The following MSI2 variants were observed in gnomAD, a reference collection of about 807,000 sequenced individuals.
MSI2 encodes RNA-binding protein Musashi homolog 2.
Under a neutral mutation model 45.6 loss-of-function variants are expected in MSI2, and 17 were observed. The observed-to-expected ratio is 0.37, with a 90% CI of 0.26 to 0.56. The LOEUF (loss-of-function observed/expected upper bound fraction) is 0.56. Among genes scored for constraint, MSI2 ranks in the 20% least tolerant of loss-of-function variants. The pLI is 0.77. For synonymous variants in MSI2, 156 were observed against 158.2 expected (o/e 0.99, Z 0.11); for missense variants, 293 against 444.2 (o/e 0.66, Z 3.06).
intron 5 of MSI2, among the ~76,000 whole-genome samples, chr17:57,390,496 G>C (rs2083770413): frequency 6.6e-6 from 1 of 152,214 alleles, no homozygotes; most frequent in South Asian, 2.1e-4. Flanking sequence ...GAGAACCTCT[G>C]CACTACAGGA....
chr17:57,697,015 A>G, the MSI2 span, among the ~76,000 whole-genome samples: 1 of 152,062 alleles, frequency 6.6e-6, no homozygotes, highest in African/African-American at 2.4e-5. Flanking sequence ...CTGTAGCTTC[A>G]CTGTAAGCCA....
At chr17:57,378,541 C>T (rs1397819215) in intron 5 of MSI2, among the ~76,000 whole-genome samples, 2 of 152,096 alleles carry the variant, frequency 1.3e-5, no homozygotes, top group Non-Finnish European at 2.9e-5. Context: ...GGATTACAGG[C>T]GTTAGCCACT....
intron 7 of MSI2, among the ~76,000 whole-genome samples, chr17:57,579,226 A>C (rs191983409): frequency 6.6e-6 from 1 of 152,366 alleles, no homozygotes; most frequent in Non-Finnish European, 1.5e-5. Flanking sequence ...GGCCCCAGAC[A>C]CAAATAAATT....
intron 5 of MSI2, among the ~76,000 whole-genome samples, chr17:57,344,873 A>G (rs911783297): frequency 1.3e-5 from 2 of 151,792 alleles, no homozygotes; most frequent in African/African-American, 4.8e-5. Context: ...GACCAGCCTG[A>G]CCAACATGGT....
intron 5 of MSI2, among the ~76,000 whole-genome samples, chr17:57,277,499 A>G (rs1013009073): frequency 7.9e-5 from 12 of 152,156 alleles, no homozygotes; most frequent in African/African-American, 2.9e-4. Context: ...ACATGACCTC[A>G]GGCACTTTGC....
chr17:57,268,777 G>C (rs1046576811), intron 5 of MSI2, among the ~76,000 whole-genome samples: 1 of 152,156 alleles, frequency 6.6e-6, no homozygotes, highest in East Asian at 1.9e-4. Context: ...GGAGGTTGCA[G>C]TGAGCCGAGA....
intron 5 of MSI2, among the ~76,000 whole-genome samples, chr17:57,294,403 G>T (rs541391965): frequency 1.3e-5 from 2 of 152,178 alleles, no homozygotes; most frequent in Non-Finnish European, 2.9e-5. Context: ...AGCTGGCGTG[G>T]CACTGTTGGG....
intron 10 of MSI2, among the ~76,000 whole-genome samples, chr17:57,651,116 G>A (rs542004409): frequency 2.0e-5 from 3 of 152,176 alleles, no homozygotes; most frequent in Non-Finnish European, 4.4e-5. Flanking sequence ...GAGGCTGTGC[G>A]TGCACGTGCT....
At chr17:57,602,786 T>C (rs1288842402) in intron 8 of MSI2, among the ~76,000 whole-genome samples, 1 of 152,192 alleles carries the variant, frequency 6.6e-6, no homozygotes, top group Non-Finnish European at 1.5e-5. Flanking sequence ...TGGATGCTGG[T>C]AATCAAAGTG....
intron 5 of MSI2, among the ~76,000 whole-genome samples, chr17:57,369,956 A>G (rs939604377): frequency 1.3e-5 from 2 of 152,250 alleles, no homozygotes; most frequent in Admixed American, 1.3e-4. Flanking sequence ...CTTAACAAGA[A>G]TAGAAGACAG....
Position 57,529,821 on chromosome 17 carries a change from C to T in MSI2, c.454+97C>T, listed in dbSNP as rs934943782. ...ACTGACAAAAGATACAGTGAAGAGT[C>T]CAGAGTCAAGCAGGTAGAGGTGACC... On this transcript the variant is annotated intron_variant, in intron 7 of 13. Coordinates refer to ENST00000284073, the MANE Select transcript of MSI2 (RefSeq NM_138962.4). The surrounding 1 kb of genome is among the most constrained non-coding windows in gnomAD (Gnocchi z 5.3). 2.0e-6 allele frequency: 2 copies of T among 1,016,800 alleles called. No individual in the cohort carries two copies. Among genetic ancestry groups the T allele is most frequent in the Middle Eastern group, 2.1e-4 (1 of 4,802 alleles). 63.0% of individuals were successfully genotyped at this position (1,016,800 alleles called of 1,614,324 possible).
intron 5 of MSI2, among the ~76,000 whole-genome samples, chr17:57,287,296 C>T (rs1909997433): frequency 1.3e-5 from 2 of 152,224 alleles, no homozygotes; most frequent in South Asian, 4.1e-4. Flanking sequence ...CCTGGCGAGG[C>T]TGTCCTGTGT....
intron 5 of MSI2, among the ~76,000 whole-genome samples, chr17:57,343,487 G>A (rs559437749): frequency 2.0e-4 from 30 of 151,956 alleles, no homozygotes; most frequent in Non-Finnish European, 3.8e-4. Context: ...TTTTTTCCTT[G>A]AGTCATTAGG....
chr17:57,280,949 A>G lies in MSI2; in HGVS notation c.312+18757A>G, dbSNP rs188921022. Among the ~76,000 whole-genome samples, 293 of 152,214 alleles carry G rather than the reference A, an allele frequency of 1.9e-3. 3 individuals carry two copies. Among genetic ancestry groups the G allele is most frequent in the Middle Eastern group, 0.014 (4 of 294 alleles). On this transcript the variant is annotated intron_variant, in intron 5 of 13. Transcript: ENST00000284073. This position sits in a 1 kb window ranked among gnomAD's most constrained non-coding sequence, Gnocchi z 4.2. ...GGCCAGGTCAGATGGGTGTTGGGGA[A>G]AGAGCACTCTGCAATCCAGGGGCTC...
At chr17:57,476,288 C>T (rs1173142477) in intron 6 of MSI2, among the ~76,000 whole-genome samples, 2 of 152,188 alleles carry the variant, frequency 1.3e-5, no homozygotes, top group Non-Finnish European at 2.9e-5. Flanking sequence ...TCCTCTGCAT[C>T]CACACTGCAT....
intron 5 of MSI2, among the ~76,000 whole-genome samples, chr17:57,296,340 G>A (rs1910953141): frequency 6.6e-6 from 1 of 152,086 alleles, no homozygotes; most frequent in Admixed American, 6.5e-5. Flanking sequence ...TTCATATATG[G>A]CCGACTGCAA....
At chr17:57,286,684 T>A (rs77844135) in intron 5 of MSI2, among the ~76,000 whole-genome samples, 1,529 of 152,232 alleles carry the variant, frequency 0.01, 24 homozygotes, top group African/African-American at 0.035. Context: ...GTCGCTTGTC[T>A]GATGGAGAAT....
intron 6 of MSI2, among the ~76,000 whole-genome samples, chr17:57,439,944 G>C (rs2084765961): frequency 6.6e-6 from 1 of 151,996 alleles, no homozygotes; most frequent in African/African-American, 2.4e-5. Flanking sequence ...GCTTGGGGTG[G>C]GATAAGAGGG....
At chr17:57,287,428 G>A (rs1356812565) in intron 5 of MSI2, among the ~76,000 whole-genome samples, 1 of 152,176 alleles carries the variant, frequency 6.6e-6, no homozygotes, top group Non-Finnish European at 1.5e-5. Flanking sequence ...AGAATAGTGT[G>A]TGTGAGGGGC....
Sources: gnomAD v4.1 joint callset for allele counts (sites outside exome capture counted in the v4.1 genomes callset) on GRCh38, gnomAD v4.1.1 for gene constraint, Gnocchi (gnomAD v3.1) non-coding constraint, MANE v1.5 for transcripts, NCBI Gene and HGNC (gene_info 2026-07-23, HGNC 2026-07-21) for gene names.